Variants in MACROD2 observed in about 807,000 individuals in gnomAD.
MACROD2 encodes the protein mono-ADP ribosylhydrolase 2, also known as ADP-ribose glycohydrolase MACROD2.
A neutral mutation model predicts 70.4 loss-of-function variants in MACROD2; 36 were observed. That is an observed-to-expected ratio of 0.51 (90% CI 0.39 to 0.68). The LOEUF (loss-of-function observed/expected upper bound fraction) is 0.68. Ranked by LOEUF, MACROD2 falls within the 30% of genes least tolerant of loss-of-function variation. The pLI is 0.00. For synonymous variants in MACROD2, 172 were observed against 178.8 expected, an observed-to-expected ratio of 0.96 and a Z score of 0.30; for missense variants, 496 against 538.4, an observed-to-expected ratio of 0.92 and a Z score of 0.78.
chr20:15,677,981 C>T (rs537521993), intron 8 of MACROD2, among the ~76,000 whole-genome samples: 4 of 152,022 alleles, frequency 2.6e-5, no homozygotes, highest in African/African-American at 9.6e-5. Flanking sequence ...AGGAGAATGA[C>T]TTGAACCCAG....
At chr20:15,133,433 C>T (rs557231540) in intron 5 of MACROD2, among the ~76,000 whole-genome samples, 1 of 152,012 alleles carries the variant, frequency 6.6e-6, no homozygotes, top group African/African-American at 2.4e-5. Flanking sequence ...AAGTCTCATA[C>T]AGAAATAGAA....
intron 5 of MACROD2, among the ~76,000 whole-genome samples, chr20:14,786,013 C>A (rs1357029031): frequency 6.6e-6 from 1 of 152,016 alleles, no homozygotes; most frequent in Non-Finnish European, 1.5e-5. Context: ...GATGAAAATG[C>A]ATATTATAAA....
chr20:14,729,954 T>TA (rs904068388), intron 5 of MACROD2, among the ~76,000 whole-genome samples: 43 of 152,110 alleles, frequency 2.8e-4, no homozygotes, highest in Non-Finnish European at 5.3e-4. Context: ...TGAGAGACTA[T>TA]AAAAAATTAT....
At chr20:14,760,905 A>G (rs1005234131) in intron 5 of MACROD2, among the ~76,000 whole-genome samples, 3 of 152,102 alleles carry the variant, frequency 2.0e-5, no homozygotes, top group African/African-American at 4.8e-5. Context: ...TATGGAAGTG[A>G]CCAAAACTCT....
At chr20:15,573,301 T>C (rs1287656746) in intron 8 of MACROD2, among the ~76,000 whole-genome samples, 1 of 152,136 alleles carries the variant, frequency 6.6e-6, no homozygotes, top group Non-Finnish European at 1.5e-5. Context: ...ATAATGAAAA[T>C]AAACTTTTGT....
At chr20:15,733,457 A>G (rs2050974787) in intron 8 of MACROD2, among the ~76,000 whole-genome samples, 1 of 151,938 alleles carries the variant, frequency 6.6e-6, no homozygotes, top group East Asian at 1.9e-4. Context: ...CTGATTTTAG[A>G]TCTTTCTTTT....
chr20:15,578,689 G>A (rs774482187), intron 8 of MACROD2, among the ~76,000 whole-genome samples: 1 of 23,208 alleles, frequency 4.3e-5, no homozygotes, highest in Admixed American at 8.4e-4. Context: ...CTCCTAGGGT[G>A]TCGATAATAT....
At position 15,958,260 on chromosome 20, in the gene MACROD2, T is replaced by C. The variant is rs2066005924; in HGVS notation, c.908-9293T>C. On this transcript the variant is annotated intron_variant, in intron 12 of 17. Coordinates refer to ENST00000684519, the MANE Select transcript of MACROD2 (RefSeq NM_001351661.2). ...ATAGTGTCCGGCAAACAAAGATTAA[T>C]GCCTCTCCTTTCAAGTGACCCTTCC... Among the ~76,000 whole-genome samples, 3 of 152,318 alleles carry C rather than the reference T, an allele frequency of 2.0e-5. No homozygotes were observed. In the South Asian group the frequency reaches 6.2e-4, roughly 32 times the overall value.
At chr20:15,180,749 C>A (rs2076494594) in intron 5 of MACROD2, among the ~76,000 whole-genome samples, 2 of 152,326 alleles carry the variant, frequency 1.3e-5, no homozygotes, top group South Asian at 4.1e-4. Context: ...CCTTGGCCTC[C>A]CAAAGTTCTG....
At position 14,976,081 on chromosome 20, in the gene MACROD2, G is replaced by A. The variant is rs528444394; in HGVS notation, c.419-253859G>A. 1.6e-4 allele frequency among the ~76,000 whole-genome samples: 24 copies of A among 152,286 alleles called. 1 individual carries two copies. The South Asian group carries it at 3.7e-3, about 24-fold the overall frequency. On this transcript the variant is annotated intron_variant, in intron 5 of 17. Transcript: ENST00000684519. ...AAATGTCAAGAGCATGGTTGTTCCC[G>A]TTGTCTGTGCCCCAGTGCTTCTCTG...
chr20:14,601,533 T>A (rs772705391), intron 4 of MACROD2, among the ~76,000 whole-genome samples: 1 of 143,866 alleles, frequency 7.0e-6, no homozygotes, highest in African/African-American at 2.8e-5. Flanking sequence ...AAAACAGTAT[T>A]TTTTTTTTAA....
chr20:15,088,415 AT>A (rs376155327), intron 5 of MACROD2, among the ~76,000 whole-genome samples: 20,312 of 47,730 alleles, frequency 0.43, 2,055 homozygotes, highest in Non-Finnish European at 0.5. Context: ...ATATATATAT[AT>A]ATATATATAT....
chr20:14,326,081 T>G lies in MACROD2; in HGVS notation c.272-167398T>G. ...GTTTCCATGGGAACCATGCATACTT[T>G]ATAGGGTGAATCAGGCTCCAGGGCT... On this transcript the variant is annotated intron_variant, in intron 3 of 17. Coordinates refer to ENST00000684519, the MANE Select transcript of MACROD2 (RefSeq NM_001351661.2). The surrounding 1 kb of genome is among the most constrained non-coding windows in gnomAD (Gnocchi z 5.5). 1 of 1,613,918 alleles carries G rather than the reference T, an allele frequency of 6.2e-7. No homozygotes were observed. The highest frequency in any genetic ancestry group is 2.2e-5 in the East Asian group (1 of 44,864).
At chr20:15,659,981 C>T (rs1240944166) in intron 8 of MACROD2, among the ~76,000 whole-genome samples, 1 of 152,106 alleles carries the variant, frequency 6.6e-6, no homozygotes, top group Non-Finnish European at 1.5e-5. Flanking sequence ...TGATTACTGT[C>T]TACCACCCCC....
At chr20:15,126,949 C>T (rs1468073387) in intron 5 of MACROD2, among the ~76,000 whole-genome samples, 2 of 152,000 alleles carry the variant, frequency 1.3e-5, no homozygotes, top group African/African-American at 4.8e-5. Context: ...TGAATTACAG[C>T]ACATGTTGAC....
At chr20:15,948,272 T>A (rs2065853103) in intron 12 of MACROD2, among the ~76,000 whole-genome samples, 1 of 149,542 alleles carries the variant, frequency 6.7e-6, no homozygotes. Context: ...ATCTATCACC[T>A]GAGAGCACAG....
intron 4 of MACROD2, chr20:14,623,063 A>T (rs76283981): frequency 0.024 from 3,581 of 152,304 alleles, 63 homozygotes; most frequent in Admixed American, 0.037. Context: ...ACTCAACAAC[A>T]TAGATAGTAC....
intron 6 of MACROD2, among the ~76,000 whole-genome samples, chr20:15,238,787 G>A (rs1323411459): frequency 6.6e-6 from 1 of 152,096 alleles, no homozygotes; most frequent in African/African-American, 2.4e-5. Context: ...TCTCAATTTG[G>A]CTGGATTTGT....
chr20:14,415,031 G>T lies in MACROD2; in HGVS notation c.272-78448G>T, dbSNP rs569580635. Among the ~76,000 whole-genome samples, 6 of 151,834 alleles carry T rather than the reference G, an allele frequency of 4.0e-5. No homozygotes were observed. In the East Asian group the frequency reaches 5.8e-4, roughly 15 times the overall value. On this transcript the variant is annotated intron_variant, in intron 3 of 17. Coordinates refer to ENST00000684519, the MANE Select transcript of MACROD2 (RefSeq NM_001351661.2). ...TTATTACCTGTCTCTTTCTACTAGGGAATATATAAGTTCCATGAATGCAGA... is the reference window on the plus strand; with the variant it reads ...TTATTACCTGTCTCTTTCTACTAGGTAATATATAAGTTCCATGAATGCAGA...
Sources: allele counts gnomAD v4.1 joint callset (sites outside exome capture counted in the v4.1 genomes callset), GRCh38; gene constraint gnomAD v4.1.1; non-coding constraint Gnocchi (gnomAD v3.1); transcripts MANE v1.5; gene names NCBI Gene and HGNC (gene_info 2026-07-23, HGNC 2026-07-21).